ALDH7A1: variants seen among roughly 807,000 people sequenced by gnomAD.
The protein encoded by ALDH7A1 is alpha-aminoadipic semialdehyde dehydrogenase.
ALDH7A1 carries 63 observed loss-of-function variants against 79.9 expected under a neutral mutation model. The ratio of observed to expected loss-of-function variants is 0.79; its 90% CI spans 0.64 to 0.97. The LOEUF (loss-of-function observed/expected upper bound fraction) is 0.97. ALDH7A1 is among the 50% of genes least tolerant of loss of function. The probability of loss-of-function intolerance (pLI) is 0.00; values close to 1 mark genes in which losing one functional copy is unlikely to be tolerated. For missense variants in ALDH7A1, 627 were observed against 665.2 expected (o/e 0.94, Z 0.63); for synonymous variants, 240 against 231.2 (o/e 1.04, Z -0.34).
At chr5:126,549,169 T>G (rs565197383) in intron 16 of ALDH7A1, among the ~76,000 whole-genome samples, 1 of 149,466 alleles carries the variant, frequency 6.7e-6, no homozygotes. Flanking sequence ...AAGGAGAAGA[T>G]AGACACTCAT....
rs199501956 is a variant in ALDH7A1, at chr5:126,559,968, G to A, written c.914-634C>T. Among the ~76,000 whole-genome samples, 595 of 99,084 alleles carry A rather than the reference G, an allele frequency of 6.0e-3. 23 individuals carry two copies. The East Asian group carries it at 0.11, about 18-fold the overall frequency. 65.0% of individuals were successfully genotyped at this position (99,084 alleles called of 152,430 possible). ...TTTGTTTGTTCTTTTTTTCTGAGAC[G>A]GAGTCTCACTCTGTCACCCAGGCTG... On this transcript the variant is annotated intron_variant, in intron 10 of 17. Coordinates refer to ENST00000409134, the MANE Select transcript of ALDH7A1 (RefSeq NM_001182.5).
At position 126,568,333 on chromosome 5, in the gene ALDH7A1, C is replaced by CACA. The variant is rs2112782212; in HGVS notation, c.796_797insTGT (p.Arg266delinsLeuTer). ...CCCAGTGAAGGACAGCAGGTTCACTCGTTCATCTTTGGCCATTGCTGTGCT... is the reference window on the plus strand; with the variant it reads ...CCCAGTGAAGGACAGCAGGTTCACTCACAGTTCATCTTTGGCCATTGCTGTGCT... On this transcript the variant is annotated stop_gained and protein_altering_variant, in exon 9 of 18. Coordinates refer to ENST00000409134, the MANE Select transcript of ALDH7A1 (RefSeq NM_001182.5). LOFTEE classifies it high-confidence loss of function. 1 of 1,614,090 alleles carries CACA rather than the reference C, an allele frequency of 6.2e-7. No individual in the cohort carries two copies. The highest frequency in any genetic ancestry group is 1.7e-5 in the Admixed American group (1 of 60,010).
At chr5:126,560,871 T>C (rs1421271173) in intron 10 of ALDH7A1, among the ~76,000 whole-genome samples, 2 of 152,186 alleles carry the variant, frequency 1.3e-5, no homozygotes, top group East Asian at 1.9e-4. Context: ...CCAGGTAACA[T>C]GTTCTAAACA....
At chr5:126,550,162 C>T (rs762451889) in intron 15 of ALDH7A1, 34 bp downstream of exon 15, 3 of 1,595,558 alleles carry the variant, frequency 1.9e-6, no homozygotes, top group African/African-American at 1.3e-5. Flanking sequence ...ATAAATCAGA[C>T]TTATATAAAT....
chr5:126,574,264 G>C (rs1750887706), intron 7 of ALDH7A1, among the ~76,000 whole-genome samples: 5 of 151,866 alleles, frequency 3.3e-5, no homozygotes. Context: ...GCCAGGCGTG[G>C]TGGCACAAGC....
At chr5:126,571,075 C>T (rs1405839514) in intron 7 of ALDH7A1, 4 of 522,000 alleles carry the variant, frequency 7.7e-6, no homozygotes, top group Non-Finnish European at 1.4e-5. Flanking sequence ...AGACTCTGTC[C>T]TTCTGTCCTC....
At position 126,564,634 on chromosome 5, in the gene ALDH7A1, A is replaced by G. The variant is rs1406464785; in HGVS notation, c.872-3510T>C. On this transcript the variant is annotated intron_variant, in intron 9 of 17. Transcript: ENST00000409134. ...TCAAGTGAATATTAATTATGAAGAC[A>G]TGGCTGTTACTACCAAAAGCCACCA... 14 of 1,160,360 alleles carry G rather than the reference A, an allele frequency of 1.2e-5. No homozygotes were observed. In the Admixed American group the frequency reaches 1.7e-4, roughly 14 times the overall value. The allele number at this position is 1,160,360 out of a possible 1,614,324, so 71.9% of individuals were successfully genotyped here. A position where few individuals can be genotyped will look rare whatever the true frequency, so the allele number is the denominator to read the frequency against.
intron 3 of ALDH7A1, among the ~76,000 whole-genome samples, chr5:126,590,161 C>G (rs1475847028): frequency 6.6e-6 from 1 of 151,256 alleles, no homozygotes; most frequent in Non-Finnish European, 1.5e-5. Context: ...GGCCGCCACC[C>G]TGTCTGGGAA....
chr5:126,566,081 G>A (rs1052069637), intron 9 of ALDH7A1, among the ~76,000 whole-genome samples: 1 of 152,160 alleles, frequency 6.6e-6, no homozygotes, highest in African/African-American at 2.4e-5. Context: ...GCATTGTCAT[G>A]TGAATTTTAG....
At position 126,593,368 on chromosome 5, in the gene ALDH7A1, T is replaced by C; in HGVS notation, c.229A>G (p.Ile77Val). ...TTYCPANNEP[I>V]ARVRQASVAD... ...ACTCTTACCTGTCGGACTCTTGCTA[T>C]TGGCTCGTTGTTAGCAGGGCAATAG... is the stretch of plus-strand genomic sequence containing the variant. The change falls in exon 2 of 18, where the codon ATA (isoleucine) becomes GTA (valine). Residue 77 changes from isoleucine to valine, a missense_variant. Transcript: ENST00000409134. 6.2e-7 allele frequency: 1 copy of C among 1,613,242 alleles called. No individual in the cohort carries two copies. Among genetic ancestry groups the C allele is most frequent in the Non-Finnish European group, 8.5e-7 (1 of 1,179,956 alleles).
In ALDH7A1 at chr5:126,544,561, C is replaced by T. The variant is rs533678440; in HGVS notation, c.*404G>A. ...GTAATGTCAAGCAATATTCACCCCC[C>T]GCCCCTGAATCCTTCACTTGGTCAG... On this transcript the variant is annotated 3_prime_UTR_variant, in exon 18 of 18. Transcript: ENST00000409134. The T allele has an allele frequency of 6.7e-4, 167 of 248,984 alleles. 1 individual carries two copies. The highest frequency in any genetic ancestry group is 1.1e-3 in the Non-Finnish European group (139 of 127,306). 15.4% of individuals were successfully genotyped at this position (248,984 alleles called of 1,614,324 possible). A position where few individuals can be genotyped will look rare whatever the true frequency, so the allele number is the denominator to read the frequency against.
chr5:126,547,411 G>T (rs902499610), intron 16 of ALDH7A1, among the ~76,000 whole-genome samples: 12 of 152,282 alleles, frequency 7.9e-5, no homozygotes, highest in African/African-American at 1.4e-4. Context: ...ACATGCTGGG[G>T]GAATGAACTA....
chr5:126,546,569 G>A (rs1201010351), intron 16 of ALDH7A1, among the ~76,000 whole-genome samples, 170 bp from the exon 17 acceptor site: 2 of 148,026 alleles, frequency 1.4e-5, no homozygotes, highest in African/African-American at 2.5e-5. Context: ...GAGACCAAGA[G>A]ACCAAAACAA....
At chr5:126,588,775 G>C (rs1751441811) in intron 3 of ALDH7A1, 1 of 152,170 alleles carries the variant, frequency 6.6e-6, no homozygotes, top group Non-Finnish European at 1.5e-5. Context: ...AGGCATGGTG[G>C]CTCATGCCTG....
At chr5:126,556,076 A>G (rs1490929174) in intron 11 of ALDH7A1, 61 bp from the exon 12 acceptor site, 1 of 1,159,930 alleles carries the variant, frequency 8.6e-7, no homozygotes, top group Non-Finnish European at 1.3e-6. Flanking sequence ...TTAAACAATG[A>G]ATAATTTCCT....
Position 126,545,133 on chromosome 5 carries a change from TACA to T in ALDH7A1, c.1566-117_1566-115del, listed in dbSNP as rs950049565. 129 of 782,420 alleles carry T rather than the reference TACA, an allele frequency of 1.6e-4. No individual in the cohort carries two copies. The African/African-American group carries it at 2.1e-3, about 13-fold the overall frequency. 48.5% of individuals were successfully genotyped at this position (782,420 alleles called of 1,614,324 possible). ...TATTAACAAGGCAAGATCTCCAAGT[TACA>T]ACTTTTTAAGACAAACCTTTAAGAT... On this transcript the variant is annotated intron_variant, in intron 17 of 17. Transcript: ENST00000409134.
chr5:126,545,231 G>C (rs996744128), intron 17 of ALDH7A1, among the ~76,000 whole-genome samples: 3 of 152,086 alleles, frequency 2.0e-5, no homozygotes, highest in African/African-American at 2.4e-5. Flanking sequence ...AATCTGGAAA[G>C]ACATACCATA....
chr5:126,594,908 A>T, intron 1 of ALDH7A1, 99 bp downstream of exon 1: 1 of 1,467,184 alleles, frequency 6.8e-7, no homozygotes, highest in Non-Finnish European at 9.3e-7. Context: ...CCATGCTACT[A>T]CCGCATCCAG....
chr5:126,579,667 A>T (rs867686121), intron 5 of ALDH7A1, among the ~76,000 whole-genome samples: 29 of 152,000 alleles, frequency 1.9e-4, no homozygotes, highest in African/African-American at 6.5e-4. Flanking sequence ...AAAAAAAAAT[A>T]GAAGTGTAAG....
Sources: gnomAD v4.1 joint callset for allele counts (sites outside exome capture counted in the v4.1 genomes callset) on GRCh38, gnomAD v4.1.1 for gene constraint, MANE v1.5 for transcripts, NCBI Gene and HGNC (gene_info 2026-07-23, HGNC 2026-07-21) for gene names.